HYCC2: variants seen among roughly 807,000 people sequenced by gnomAD.
HYCC2 encodes hyccin PI4KA lipid kinase complex subunit 2, also known as hyccin 2.
chr2:201,065,901 TCA>T, the HYCC2 span, among the ~76,000 whole-genome samples: 1 of 152,182 alleles, frequency 6.6e-6, no homozygotes, highest in East Asian at 1.9e-4. Flanking sequence ...AATAAAAAAA[TCA>T]CAGAGTAACA....
chr2:200,988,524 T>A, the HYCC2 span: 2 of 742,342 alleles, frequency 2.7e-6, no homozygotes, highest in Non-Finnish European at 4.3e-6. Flanking sequence ...AAATTTGCAT[T>A]ATAATGTGTA....
chr2:201,001,892 A>C, the HYCC2 span, among the ~76,000 whole-genome samples: 1 of 151,956 alleles, frequency 6.6e-6, no homozygotes. Context: ...AGCTGGCCTC[A>C]AACTCCTGGC....
chr2:201,042,675 C>T, the HYCC2 span, among the ~76,000 whole-genome samples: 1 of 151,564 alleles, frequency 6.6e-6, no homozygotes. Context: ...CGTCTCCGCC[C>T]GGCAGCCGCC....
the HYCC2 span, chr2:200,976,566 C>T: frequency 6.6e-6 from 1 of 152,132 alleles, no homozygotes; most frequent in Non-Finnish European, 1.5e-5. Flanking sequence ...ACAAAACAAT[C>T]TGAAAGAAGT....
chr2:200,993,241 A>G, the HYCC2 span, among the ~76,000 whole-genome samples: 1 of 152,244 alleles, frequency 6.6e-6, no homozygotes, highest in African/African-American at 2.4e-5. Flanking sequence ...TGGACTGCCC[A>G]TAAAAGCAAC....
At chr2:201,070,010 T>C in the HYCC2 span, among the ~76,000 whole-genome samples, 21 of 152,318 alleles carry the variant, frequency 1.4e-4, no homozygotes, top group East Asian at 3.7e-3. Context: ...CCTTATCTCC[T>C]AAGCTAAAGG....
At chr2:201,024,292 C>G in the HYCC2 span, among the ~76,000 whole-genome samples, 1 of 151,844 alleles carries the variant, frequency 6.6e-6, no homozygotes, top group Admixed American at 6.6e-5. Context: ...AGTTCAAGAC[C>G]AGCCTGGCAA....
chr2:201,052,669 A>G, the HYCC2 span, among the ~76,000 whole-genome samples: 1 of 152,236 alleles, frequency 6.6e-6, no homozygotes, highest in African/African-American at 2.4e-5. Flanking sequence ...CACTGGGCAC[A>G]GACAGTAAAG....
the HYCC2 span, among the ~76,000 whole-genome samples, chr2:200,984,856 A>T: frequency 6.6e-6 from 1 of 152,214 alleles, no homozygotes; most frequent in Non-Finnish European, 1.5e-5. Context: ...GGCTGGCTGC[A>T]GTGGGTCACA....
At chr2:201,063,080 C>T in the HYCC2 span, 11 of 1,608,742 alleles carry the variant, frequency 6.8e-6, no homozygotes, top group Non-Finnish European at 9.3e-6. Flanking sequence ...CTCTCTTCAC[C>T]CTGCCGTCAT....
At chr2:201,030,582 C>CTT in the HYCC2 span, among the ~76,000 whole-genome samples, 711 of 141,938 alleles carry the variant, frequency 5.0e-3, 9 homozygotes, top group East Asian at 0.02. Context: ...TATCTCATTC[C>CTT]TTTTTTTTTT....
chr2:201,017,053 C>T, the HYCC2 span: 1 of 1,614,118 alleles, frequency 6.2e-7, no homozygotes, highest in African/African-American at 1.3e-5. Context: ...TCTCGGCTAA[C>T]TGTAAGCCGT....
chr2:201,037,965 A>T, the HYCC2 span, among the ~76,000 whole-genome samples: 4 of 152,192 alleles, frequency 2.6e-5, no homozygotes, highest in African/African-American at 4.8e-5. Flanking sequence ...AACCTACAGA[A>T]TGAGAGAAAA....
chr2:200,997,073 G>A, the HYCC2 span: 8 of 158,814 alleles, frequency 5.0e-5, no homozygotes, highest in Non-Finnish European at 8.3e-5. Flanking sequence ...AGACAAACCT[G>A]GGCAACATAG....
At chr2:201,062,316 C>A in the HYCC2 span, among the ~76,000 whole-genome samples, 3 of 151,848 alleles carry the variant, frequency 2.0e-5, no homozygotes, top group Non-Finnish European at 4.4e-5. Context: ...GTCAGGAATT[C>A]AAGACCAGCC....
At chr2:201,043,022 G>C in the HYCC2 span, among the ~76,000 whole-genome samples, 7 of 152,208 alleles carry the variant, frequency 4.6e-5, no homozygotes, top group Non-Finnish European at 1.0e-4. Context: ...AGAGAGATCA[G>C]ACTGTTATTG....
chr2:200,988,189 G>A, the HYCC2 span: 3 of 1,371,326 alleles, frequency 2.2e-6, no homozygotes, highest in Non-Finnish European at 3.0e-6. Context: ...AATATCACGT[G>A]CTAAGACAGT....
At chr2:201,016,850 T>C in the HYCC2 span, 1 of 749,306 alleles carries the variant, frequency 1.3e-6, no homozygotes, top group Non-Finnish European at 2.1e-6. Flanking sequence ...TATGCCTGCC[T>C]TGGCCTCCCA....
At chr2:201,024,137 A>G in the HYCC2 span, 1 of 649,966 alleles carries the variant, frequency 1.5e-6, no homozygotes, top group South Asian at 2.3e-5. Context: ...TTAATCTACT[A>G]TACATTTTAG....
Sources: gnomAD v4.1 joint callset for allele counts (sites outside exome capture counted in the v4.1 genomes callset) on GRCh38, gnomAD v4.1.1 for gene constraint, MANE v1.5 for transcripts, NCBI Gene and HGNC (gene_info 2026-07-23, HGNC 2026-07-21) for gene names.